Variants in AGPS observed in about 807,000 individuals in gnomAD.
AGPS encodes the protein alkylglycerone phosphate synthase, also known as alkyldihydroxyacetonephosphate synthase, peroxisomal.
Under a neutral mutation model 90.7 loss-of-function variants are expected in AGPS, and 26 were observed. The observed-to-expected ratio is 0.29, with a 90% CI of 0.21 to 0.40. The LOEUF is 0.40. Ranked by LOEUF, AGPS falls within the 10% of genes least tolerant of loss-of-function variation. The probability of loss-of-function intolerance (pLI) is 1.00; values close to 1 mark genes in which losing one functional copy is unlikely to be tolerated. For synonymous variants in AGPS, 294 were observed against 285.3 expected (o/e 1.03, Z -0.31); for missense variants, 540 against 816.1 (o/e 0.66, Z 4.12).
chr2:177,520,715 G>GTTT (rs1689161619), intron 17 of AGPS, among the ~76,000 whole-genome samples: 1 of 152,196 alleles, frequency 6.6e-6, no homozygotes, highest in Non-Finnish European at 1.5e-5. Flanking sequence ...TTAAATAGCA[G>GTTT]AAAGAGAAAA....
At chr2:177,402,628 G>A (rs1337680622) in intron 1 of AGPS, among the ~76,000 whole-genome samples, 3 of 152,074 alleles carry the variant, frequency 2.0e-5, no homozygotes, top group Non-Finnish European at 4.4e-5. Flanking sequence ...TTTTCCCCAC[G>A]ATTTCTCAGG....
chr2:177,419,535 G>T (rs1157418060), intron 1 of AGPS, among the ~76,000 whole-genome samples: 1 of 151,796 alleles, frequency 6.6e-6, no homozygotes, highest in Non-Finnish European at 1.5e-5. Flanking sequence ...CTTACATGAT[G>T]TGCAAAATTG....
At chr2:177,443,468 T>C (rs889296403) in intron 7 of AGPS, among the ~76,000 whole-genome samples, 3 of 152,254 alleles carry the variant, frequency 2.0e-5, no homozygotes, top group Admixed American at 2.0e-4. Flanking sequence ...CATTTAACTC[T>C]TTATCTAAGC....
intron 3 of AGPS, 118 bp downstream of exon 3, chr2:177,434,535 A>G (rs1040248230): frequency 1.3e-6 from 1 of 797,426 alleles, no homozygotes; most frequent in Non-Finnish European, 2.1e-6. Flanking sequence ...GTTTTTTGTT[A>G]TAAAGCCTAT....
At chr2:177,437,104 G>A (rs1559045667) in intron 5 of AGPS, 50 bp downstream of exon 5, 15 of 1,541,434 alleles carry the variant, frequency 9.7e-6, no homozygotes, top group Non-Finnish European at 1.3e-5. Context: ...TAAATTTTAG[G>A]TAAATTTAAC....
At chr2:177,407,964 T>C (rs1361673040) in intron 1 of AGPS, among the ~76,000 whole-genome samples, 1 of 151,988 alleles carries the variant, frequency 6.6e-6, no homozygotes, top group Non-Finnish European at 1.5e-5. Flanking sequence ...ATTAAAAAAT[T>C]TGGAGCAGAG....
At chr2:177,493,052 G>A in intron 11 of AGPS, 96 bp from the exon 12 acceptor site, 1 of 1,140,062 alleles carries the variant, frequency 8.8e-7, no homozygotes, top group Non-Finnish European at 1.3e-6. Context: ...CTAAGCTCTT[G>A]ATCTCTTAAA....
In AGPS at chr2:177,482,150, A is replaced by T; in HGVS notation, c.1197A>T (p.Glu399Asp). The T allele has an allele frequency of 6.2e-7, 1 of 1,603,542 alleles. No individual in the cohort carries two copies. The highest frequency in any genetic ancestry group is 8.5e-7 in the Non-Finnish European group (1 of 1,173,380). ...GCTCAGTAGCTTTCCCTAATTTTGA[A>T]CAAGGAGTAGCCTGTTTAAGAGAAA... ...KYGSVAFPNF[E>D]QGVACLREIA... Residue 399 changes from glutamate (E) to aspartate (D), a missense_variant, in exon 11 of 20, where the codon GAA becomes GAT. This residue lies in a region of AGPS where 405 missense variants were observed against 692.1 expected (regional missense o/e 0.59). Coordinates refer to ENST00000264167, the MANE Select transcript of AGPS (RefSeq NM_003659.4).
intron 19 of AGPS, among the ~76,000 whole-genome samples, chr2:177,525,584 G>T (rs969842494): frequency 6.6e-6 from 1 of 152,122 alleles, no homozygotes; most frequent in Non-Finnish European, 1.5e-5. Flanking sequence ...TCTGCAAGAG[G>T]GTGAGAGCAG....
chr2:177,450,035 C>T (rs1686891636), intron 8 of AGPS, among the ~76,000 whole-genome samples: 1 of 152,166 alleles, frequency 6.6e-6, no homozygotes, highest in East Asian at 1.9e-4. Flanking sequence ...GACGGGTTTT[C>T]ACCGCGTTAG....
intron 17 of AGPS, among the ~76,000 whole-genome samples, chr2:177,520,809 A>G (rs1166737005): frequency 6.6e-6 from 1 of 152,162 alleles, no homozygotes; most frequent in Non-Finnish European, 1.5e-5. Context: ...ATTTAAAACA[A>G]TGAATACTCA....
At chr2:177,443,540 T>A (rs1475604958) in intron 7 of AGPS, among the ~76,000 whole-genome samples, 1 of 152,220 alleles carries the variant, frequency 6.6e-6, no homozygotes. Context: ...GCATTGCCTT[T>A]TTTTGGTTTT....
chr2:177,518,268 T>C (rs1301022395), intron 17 of AGPS, among the ~76,000 whole-genome samples: 1 of 151,986 alleles, frequency 6.6e-6, no homozygotes, highest in Non-Finnish European at 1.5e-5. Context: ...ACCCCGTCTC[T>C]ACTAAAAATA....
intron 8 of AGPS, among the ~76,000 whole-genome samples, chr2:177,451,763 T>C (rs547882758): frequency 1.3e-5 from 2 of 152,320 alleles, no homozygotes; most frequent in South Asian, 4.1e-4. Context: ...TTGTGTCTTA[T>C]AGTTGAGGTT....
intron 13 of AGPS, 111 bp from the exon 14 acceptor site, chr2:177,499,507 G>A (rs1688495351): frequency 2.9e-6 from 2 of 681,728 alleles, no homozygotes; most frequent in Non-Finnish European, 4.9e-6. Flanking sequence ...CAATTTTTAA[G>A]AAATCAGTGT....
At chr2:177,534,968 G>A (rs1040569474) in intron 19 of AGPS, among the ~76,000 whole-genome samples, 2 of 151,944 alleles carry the variant, frequency 1.3e-5, no homozygotes, top group Non-Finnish European at 2.9e-5. Flanking sequence ...AAATACTTAA[G>A]TACTTAAGGA....
chr2:177,442,977 A>AT (rs906214052), intron 7 of AGPS, among the ~76,000 whole-genome samples: 6 of 151,324 alleles, frequency 4.0e-5, no homozygotes, highest in Admixed American at 1.3e-4. Flanking sequence ...CCAAATTTGA[A>AT]TTTTTTTTTC....
chr2:177,508,054 A>G (rs766639944), intron 16 of AGPS, 23 bp downstream of exon 16: 1 of 1,552,126 alleles, frequency 6.4e-7, no homozygotes, highest in South Asian at 1.1e-5. Flanking sequence ...AAAGTGCCTG[A>G]TATTATTCAA....
At chr2:177,468,838 A>G (rs989499619) in intron 10 of AGPS, among the ~76,000 whole-genome samples, 1 of 152,028 alleles carries the variant, frequency 6.6e-6, no homozygotes, top group African/African-American at 2.4e-5. Flanking sequence ...GTATTATAGT[A>G]TTCTTAAATC....
Sources: allele counts gnomAD v4.1 joint callset (sites outside exome capture counted in the v4.1 genomes callset), GRCh38; gene constraint gnomAD v4.1.1; regional missense constraint gnomAD v4.1.1; transcripts MANE v1.5; gene names NCBI Gene and HGNC (gene_info 2026-07-23, HGNC 2026-07-21).